The following IQSEC1 variants were observed in gnomAD, a reference collection of about 807,000 sequenced individuals.
IQSEC1 encodes the protein IQ motif and SEC7 domain-containing protein 1.
In IQSEC1, 31 loss-of-function variants were observed where a neutral mutation model predicts 91.0. The observed-to-expected ratio is 0.34, with a 90% confidence interval of 0.26 to 0.46. IQSEC1 has a LOEUF of 0.46. Ranked by LOEUF, IQSEC1 falls within the 20% of genes least tolerant of loss-of-function variation. IQSEC1 has a pLI of 1.00. For missense variants in IQSEC1, 1,388 were observed against 1,575.6 expected (o/e 0.88, Z 2.02); for synonymous variants, 699 against 662.6 (o/e 1.05, Z -0.84).
intron 1 of IQSEC1, among the ~76,000 whole-genome samples, chr3:13,223,927 G>A (rs1694706120): frequency 6.6e-6 from 1 of 152,164 alleles, no homozygotes; most frequent in Admixed American, 6.5e-5. Flanking sequence ...ATGAGCTTTG[G>A]AAGGGAATGT....
chr3:13,072,913 T>G, intron 1 of IQSEC1, 79 bp downstream of exon 1: 1 of 1,293,698 alleles, frequency 7.7e-7, no homozygotes, highest in African/African-American at 1.5e-5. Flanking sequence ...CCCCCAACGA[T>G]GCCCCTCACT....
chr3:12,949,777 G>C (rs1289703649), intron 1 of IQSEC1, among the ~76,000 whole-genome samples: 7 of 152,178 alleles, frequency 4.6e-5, no homozygotes, highest in Non-Finnish European at 1.0e-4. Context: ...GGGCGGGTGG[G>C]GGCACATCCT....
intron 1 of IQSEC1, among the ~76,000 whole-genome samples, chr3:13,250,371 G>A (rs12495529): frequency 1.3e-5 from 2 of 151,860 alleles, no homozygotes; most frequent in Non-Finnish European, 2.9e-5. Context: ...GCAGTGCCAC[G>A]GTGATGTCTA....
rs113529584 is a variant in IQSEC1 at position 12,924,766 on chromosome 3, T to A, written c.1569-24A>T. ...TCCTGGGGTAGGACGAGAGGCACAC[T>A]CAGTCCCAGCTGCCCGGCCACCAGC... On this transcript the variant is annotated intron_variant, in intron 3 of 13. Transcript: ENST00000613206. This position sits in a 1 kb window ranked among gnomAD's most constrained non-coding sequence, Gnocchi z 6.3. 224 of 1,532,284 alleles carry A rather than the reference T, an allele frequency of 1.5e-4. 1 individual carries two copies. In the African/African-American group the frequency reaches 2.8e-3, roughly 19 times the overall value. 94.9% of individuals were successfully genotyped at this position (1,532,284 alleles called of 1,614,324 possible). A position where few individuals can be genotyped will look rare whatever the true frequency, so the allele number is the denominator to read the frequency against.
intron 3 of IQSEC1, among the ~76,000 whole-genome samples, chr3:12,925,153 G>A (rs1045210528): frequency 2.0e-5 from 3 of 152,078 alleles, no homozygotes; most frequent in East Asian, 1.9e-4. Flanking sequence ...CCAAACTCCC[G>A]CACACACATT....
intron 1 of IQSEC1, among the ~76,000 whole-genome samples, chr3:12,988,090 G>A (rs1332375365): frequency 6.6e-6 from 1 of 152,230 alleles, no homozygotes; most frequent in Non-Finnish European, 1.5e-5. Flanking sequence ...TACATAAGCT[G>A]TGGCCTGTCG....
chr3:13,185,822 C>T, intron 1 of IQSEC1, among the ~76,000 whole-genome samples: 1 of 152,278 alleles, frequency 6.6e-6, no homozygotes, highest in Non-Finnish European at 1.5e-5. Flanking sequence ...CCAGTGTCTG[C>T]AGAACTTCGG....
chr3:13,249,156 G>A (rs1695152840), intron 1 of IQSEC1, among the ~76,000 whole-genome samples: 1 of 151,356 alleles, frequency 6.6e-6, no homozygotes, highest in Admixed American at 6.6e-5. Context: ...TTCCTTTGGG[G>A]GAAGGAATTT....
At chr3:13,159,124 G>A (rs1291592450) in intron 2 of IQSEC1, among the ~76,000 whole-genome samples, 1 of 152,048 alleles carries the variant, frequency 6.6e-6, no homozygotes, top group South Asian at 2.1e-4. Flanking sequence ...AGATCATGTG[G>A]GCGCTTATTT....
chr3:13,105,314 C>T (rs138078069), intron 2 of IQSEC1, among the ~76,000 whole-genome samples: 29 of 152,148 alleles, frequency 1.9e-4, no homozygotes, highest in Middle Eastern at 6.8e-3. Context: ...CAGGCCTCCA[C>T]AGCCAGGGGC....
At position 13,163,054 on chromosome 3, in the gene IQSEC1, C is replaced by T. The variant is rs1383896274; in HGVS notation, c.302+1050G>A. Among the ~76,000 whole-genome samples, 3 of 152,124 alleles carry T rather than the reference C, an allele frequency of 2.0e-5. No homozygotes were observed. The South Asian group carries it at 6.2e-4, about 31-fold the overall frequency. On this transcript the variant is annotated intron_variant, in intron 2 of 15. Transcript: ENST00000648114. ...AGCATGCCTCTGCTTCCTGCGAGAC[C>T]CTGCCTCTCACTCCCTGGACTCTGG...
intron 10 of IQSEC1, among the ~76,000 whole-genome samples, chr3:12,910,679 T>C (rs1695476974): frequency 6.6e-6 from 1 of 152,222 alleles, no homozygotes; most frequent in African/African-American, 2.4e-5. Flanking sequence ...GGGCTGTCCC[T>C]GGTCCCACTG....
At chr3:13,025,841 G>A (rs1703592878) in intron 1 of IQSEC1, among the ~76,000 whole-genome samples, 1 of 152,176 alleles carries the variant, frequency 6.6e-6, no homozygotes, top group South Asian at 2.1e-4. Context: ...GGAGACCAGG[G>A]TGGGGTGGGC....
At chr3:12,980,116 C>T (rs914428363) in intron 1 of IQSEC1, among the ~76,000 whole-genome samples, 4 of 152,168 alleles carry the variant, frequency 2.6e-5, no homozygotes, top group Admixed American at 1.3e-4. Flanking sequence ...CTGCACAGGG[C>T]AGGTGTAAGG....
chr3:13,098,798 G>A (rs1706008213), intron 2 of IQSEC1, among the ~76,000 whole-genome samples: 1 of 152,244 alleles, frequency 6.6e-6, no homozygotes, highest in Non-Finnish European at 1.5e-5. Context: ...CTTAGGGGAA[G>A]AGGAAGTGGG....
At chr3:12,903,300 T>C (rs1315857615) in intron 12 of IQSEC1, among the ~76,000 whole-genome samples, 2 of 151,968 alleles carry the variant, frequency 1.3e-5, no homozygotes, top group Non-Finnish European at 1.5e-5. Context: ...CACACACACA[T>C]ATATGCCCCC....
intron 1 of IQSEC1, among the ~76,000 whole-genome samples, chr3:13,240,690 C>T (rs531375024): frequency 6.6e-6 from 1 of 152,188 alleles, no homozygotes; most frequent in South Asian, 2.1e-4. Flanking sequence ...AGCTCTAACT[C>T]CCTGTCAGGA....
At chr3:13,174,224 A>G (rs572669815) in intron 1 of IQSEC1, among the ~76,000 whole-genome samples, 129 of 152,266 alleles carry the variant, frequency 8.5e-4, no homozygotes, top group Non-Finnish European at 1.7e-3. Context: ...GCAACCAGAT[A>G]ATACTGGGAG....
At chr3:12,959,851 A>C (rs1700135433) in intron 1 of IQSEC1, among the ~76,000 whole-genome samples, 3 of 152,216 alleles carry the variant, frequency 2.0e-5, no homozygotes, top group Admixed American at 2.0e-4. Flanking sequence ...AATAACGCTA[A>C]GACTCTGCTA....
Sources: allele counts gnomAD v4.1 joint callset (sites outside exome capture counted in the v4.1 genomes callset), GRCh38; gene constraint gnomAD v4.1.1; non-coding constraint Gnocchi (gnomAD v3.1); transcripts MANE v1.5; gene names NCBI Gene and HGNC (gene_info 2026-07-23, HGNC 2026-07-21).